The following LARS2 variants were observed in gnomAD, a reference collection of about 807,000 sequenced individuals.
The protein encoded by LARS2 is leucine--tRNA ligase, mitochondrial.
A neutral mutation model predicts 116.6 loss-of-function variants in LARS2; 81 were observed. The observed-to-expected ratio is 0.69, with a 90% confidence interval of 0.58 to 0.84. The LOEUF is 0.84. LARS2 is among the 40% of genes least tolerant of loss of function. LARS2 has a pLI of 0.00. For synonymous variants in LARS2, 396 were observed against 407.2 expected (o/e 0.97, Z 0.33); for missense variants, 968 against 1,114.5 (o/e 0.87, Z 1.87).
intron 15 of LARS2, among the ~76,000 whole-genome samples, chr3:45,503,187 C>T (rs1425822994): frequency 6.6e-6 from 1 of 151,928 alleles, no homozygotes; most frequent in Non-Finnish European, 1.5e-5. Context: ...GTTTTTAGGA[C>T]CATATAGGTA....
intron 8 of LARS2, among the ~76,000 whole-genome samples, chr3:45,462,496 A>C (rs1282961832): frequency 6.6e-6 from 1 of 152,146 alleles, no homozygotes; most frequent in Non-Finnish European, 1.5e-5. Flanking sequence ...TCTAGAAAAC[A>C]AAAACTTCCT....
intron 15 of LARS2, among the ~76,000 whole-genome samples, chr3:45,504,988 C>A (rs1007158657): frequency 6.6e-6 from 1 of 151,034 alleles, no homozygotes; most frequent in East Asian, 1.9e-4. Flanking sequence ...GGCTGAGGCA[C>A]GAGAATTGCT....
rs1553629354 is a variant in LARS2, at chr3:45,430,029, T to TTTTTTTTTTTTTTTTTG, written c.516+10300_516+10301insTTTTTTTTTTTTTTTTG. Among the ~76,000 whole-genome samples, 14 of 138,848 alleles carry TTTTTTTTTTTTTTTTTG rather than the reference T, an allele frequency of 1.0e-4. 2 individuals are homozygous for TTTTTTTTTTTTTTTTTG. Among genetic ancestry groups the TTTTTTTTTTTTTTTTTG allele is most frequent in the African/African-American group, 3.1e-4 (11 of 35,252 alleles). 91.1% of individuals were successfully genotyped at this position (138,848 alleles called of 152,430 possible). A position where few individuals can be genotyped will look rare whatever the true frequency, so the allele number is the denominator to read the frequency against. On this transcript the variant is annotated intron_variant, in intron 6 of 21. Coordinates refer to ENST00000645846, the MANE Select transcript of LARS2 (RefSeq NM_015340.4). ...TTTTTTTTTTTTTTTTTTTTTTTTT[T>TTTTTTTTTTTTTTTTTG]GAGACAGAGTCTTGCTCTGTCGCCC...
chr3:45,516,066 C>CAT, intron 16 of LARS2, 28 bp from the exon 17 acceptor site: 1 of 1,594,438 alleles, frequency 6.3e-7, no homozygotes, highest in African/African-American at 1.3e-5. Context: ...TGACACATAC[C>CAT]ATACCTATGG....
chr3:45,523,105 T>C (rs1230614839), intron 19 of LARS2, among the ~76,000 whole-genome samples: 1 of 152,212 alleles, frequency 6.6e-6, no homozygotes, highest in Non-Finnish European at 1.5e-5. Flanking sequence ...GTTAGTTTTT[T>C]AATCAGAAAA....
rs1699919305 is a variant in LARS2 at position 45,491,726 on chromosome 3, C to T, written c.1449C>T (p.Asn483=). ...AGGACTTGCCTGTGACCCTGCCCAA[C>T]ATCGCGTCTTTCACTGGCAAGGGAG... ...PLEDLPVTLP[N]IASFTGKGGP... The change falls in exon 13 of 22, where the codon AAC becomes AAT. Residue 483 remains asparagine, a synonymous_variant. Coordinates refer to ENST00000645846, the MANE Select transcript of LARS2 (RefSeq NM_015340.4). 6.2e-7 allele frequency: 1 copy of T among 1,613,698 alleles called. No individual in the cohort carries two copies. The highest frequency in any genetic ancestry group is 8.5e-7 in the Non-Finnish European group (1 of 1,179,746).
intron 11 of LARS2, among the ~76,000 whole-genome samples, chr3:45,486,101 T>G (rs909948913): frequency 2.6e-5 from 4 of 151,900 alleles, no homozygotes; most frequent in Admixed American, 2.0e-4. Context: ...GCAACTCAGA[T>G]GAAAATCCAA....
intron 7 of LARS2, among the ~76,000 whole-genome samples, chr3:45,453,510 G>A (rs1259672086): frequency 6.6e-6 from 1 of 152,188 alleles, no homozygotes; most frequent in African/African-American, 2.4e-5. Flanking sequence ...AGCTAAGTTT[G>A]CAGCATGGCC....
At chr3:45,537,678 C>A (rs370974431) in intron 20 of LARS2, among the ~76,000 whole-genome samples, 1 of 152,172 alleles carries the variant, frequency 6.6e-6, no homozygotes, top group African/African-American at 2.4e-5. Flanking sequence ...GATCGGACGC[C>A]GCAGAGTCCC....
chr3:45,448,635 T>C (rs144968884), intron 7 of LARS2, among the ~76,000 whole-genome samples: 5,927 of 152,314 alleles, frequency 0.039, 141 homozygotes, highest in Middle Eastern at 0.095. Context: ...TCTATAGATA[T>C]TAAATTAACT....
chr3:45,463,756 T>C (rs1699374470), intron 8 of LARS2, among the ~76,000 whole-genome samples: 1 of 152,078 alleles, frequency 6.6e-6, no homozygotes. Context: ...AGCTGAGGTC[T>C]CTGCTTTTAA....
intron 15 of LARS2, among the ~76,000 whole-genome samples, chr3:45,503,222 A>G (rs1264706815): frequency 6.6e-6 from 1 of 152,064 alleles, no homozygotes; most frequent in African/African-American, 2.4e-5. Context: ...CCAAACCCAC[A>G]TGAGGGTCAA....
chr3:45,521,887 C>T (rs1384207770), intron 19 of LARS2, among the ~76,000 whole-genome samples: 2 of 151,830 alleles, frequency 1.3e-5, no homozygotes, highest in South Asian at 2.1e-4. Context: ...GCAGCAGGAT[C>T]GATTGAGCTC....
intron 16 of LARS2, among the ~76,000 whole-genome samples, chr3:45,515,126 C>A (rs995692870): frequency 2.0e-5 from 3 of 152,202 alleles, no homozygotes; most frequent in Non-Finnish European, 4.4e-5. Context: ...AACCCAGTTG[C>A]AGAAAATAGA....
intron 8 of LARS2, 31 bp from the exon 9 acceptor site, chr3:45,474,212 C>G: frequency 7.1e-7 from 1 of 1,417,692 alleles, no homozygotes; most frequent in Non-Finnish European, 9.9e-7. Flanking sequence ...CCTTGTGCCT[C>G]TACTTCTTTG....
chr3:45,497,009 A>G (rs1158830879), intron 14 of LARS2, among the ~76,000 whole-genome samples: 2 of 152,270 alleles, frequency 1.3e-5, no homozygotes, highest in African/African-American at 4.8e-5. Flanking sequence ...GAAAAGAATA[A>G]TGTAACTCTA....
In LARS2 at chr3:45,400,235, T is replaced by A; in HGVS notation, c.235-10T>A. 1.2e-6 allele frequency: 2 copies of A among 1,612,048 alleles called. No individual in the cohort carries two copies. The highest frequency in any genetic ancestry group is 1.7e-6 in the Non-Finnish European group (2 of 1,179,028). ...ATGCTTAATAAATACTCATTGTCGTTCTTTCCTAGAAATCGAAGCCAAAAT... is the reference window on the plus strand; with the variant it reads ...ATGCTTAATAAATACTCATTGTCGTACTTTCCTAGAAATCGAAGCCAAAAT... On this transcript the variant is annotated splice_polypyrimidine_tract_variant and intron_variant, in intron 3 of 21. Coordinates refer to ENST00000645846, the MANE Select transcript of LARS2 (RefSeq NM_015340.4).
At chr3:45,419,826 G>A (rs1165763478) in intron 6 of LARS2, 97 bp downstream of exon 6, 2 of 951,644 alleles carry the variant, frequency 2.1e-6, no homozygotes, top group African/African-American at 1.6e-5. Flanking sequence ...GAAGGCAAGG[G>A]TGGGAGGCAG....
Position 45,547,353 on chromosome 3 carries a change from C to G in LARS2, c.2535C>G (p.Ile845Met), listed in dbSNP as rs1490015442. ...QPEVVQMAVL[I>M]NNKACGKIPV... The stretch of plus-strand genomic sequence containing the variant: ...ATCTTGGCTTTTCTCCTTCTCAGAT[C>G]AACAATAAAGCTTGTGGCAAAATTC... The change falls in exon 22 of 22, where the codon ATC (isoleucine) becomes ATG (methionine). Residue 845 changes from isoleucine to methionine, a missense_variant and splice_region_variant. Ile to Met is a conservative substitution (Grantham distance 10). Coordinates refer to ENST00000645846, the MANE Select transcript of LARS2 (RefSeq NM_015340.4). 6.2e-7 allele frequency: 1 copy of G among 1,602,986 alleles called. No individual in the cohort carries two copies. The highest frequency in any genetic ancestry group is 2.2e-5 in the East Asian group (1 of 44,656).
Sources: gnomAD v4.1 joint callset for allele counts (sites outside exome capture counted in the v4.1 genomes callset) on GRCh38, gnomAD v4.1.1 for gene constraint, MANE v1.5 for transcripts, NCBI Gene and HGNC (gene_info 2026-07-23, HGNC 2026-07-21) for gene names.